The following FCHO1 variants were observed in gnomAD, a reference collection of about 807,000 sequenced individuals.
FCHO1 encodes the protein F-BAR domain only protein 1.
Under a neutral mutation model 114.4 loss-of-function variants are expected in FCHO1, and 45 were observed. That is an observed-to-expected ratio of 0.39 (90% CI 0.31 to 0.50). The LOEUF is 0.50. Among genes scored for constraint, FCHO1 ranks in the 20% least tolerant of loss-of-function variants. The pLI is 0.77. For missense variants in FCHO1, 1,042 were observed against 1,209.6 expected (o/e 0.86, Z 2.06); for synonymous variants, 480 against 488.9 (o/e 0.98, Z 0.24).
rs182839889 is a variant in FCHO1 at position 17,773,564 on chromosome 19, T to A, written c.791-675T>A. ...CTCACACACCTTCCATGGCTCCCCA[T>A]TGTTCTTGGGAGAGAGTTCCCACTC... On this transcript the variant is annotated intron_variant, in intron 11 of 28. Transcript: ENST00000596536. Among the ~76,000 whole-genome samples the A allele has an allele frequency of 4.6e-5, 7 of 152,226 alleles. No homozygotes were observed. In the East Asian group the frequency reaches 9.7e-4, roughly 21 times the overall value.
At chr19:17,772,777 G>A (rs535485563) in intron 11 of FCHO1, 36 bp downstream of exon 11, 6 of 1,505,184 alleles carry the variant, frequency 4.0e-6, no homozygotes, top group African/African-American at 2.7e-5. Flanking sequence ...CGGGCTTCGG[G>A]GCCACAGCTG....
At position 17,781,384 on chromosome 19, in the gene FCHO1, G is replaced by C. The variant is rs2287852; in HGVS notation, c.1740+41G>C. The C allele has an allele frequency of 0.93, 1,489,634 of 1,610,388 alleles. 690,555 individuals carry two copies. Among genetic ancestry groups the C allele is most frequent in the Non-Finnish European group, 0.94 (1,105,005 of 1,176,820 alleles). On this transcript the variant is annotated intron_variant, in intron 21 of 28. Coordinates refer to ENST00000596536, the MANE Select transcript of FCHO1 (RefSeq NM_015122.3). The stretch of plus-strand genomic sequence containing the variant: ...TGGCAGGAGCTGGACTGGGGGTCGC[G>C]TCTGGGGTCCGCTTTTGGGCACTGG...
At chr19:17,762,620 A>G (rs984245667) in intron 4 of FCHO1, 142 bp from the exon 5 acceptor site, 5 of 730,386 alleles carry the variant, frequency 6.8e-6, no homozygotes, top group Non-Finnish European at 1.3e-5. Flanking sequence ...CCCAGGGGAA[A>G]TGCAGCAAGC....
At chr19:17,770,663 G>A (rs2091238596) in intron 8 of FCHO1, 86 bp downstream of exon 8, 4 of 1,574,816 alleles carry the variant, frequency 2.5e-6, no homozygotes, top group Admixed American at 1.7e-5. Flanking sequence ...ATCCCAGAGC[G>A]ACGGTCCTGG....
In FCHO1 at chr19:17,784,680, G is replaced by T; in HGVS notation, c.2227-45G>T. On this transcript the variant is annotated intron_variant, in intron 25 of 28. Transcript: ENST00000596536. The surrounding 1 kb of genome is among the most constrained non-coding windows in gnomAD (Gnocchi z 5.3). ...GAATAGCGCATGGTGTGGCAAGACA[G>T]GATGGCCCAAGCTGTGTCCTCTCTC... The T allele has an allele frequency of 5.0e-6, 8 of 1,589,136 alleles. No individual in the cohort carries two copies. The highest frequency in any genetic ancestry group is 6.9e-6 in the Non-Finnish European group (8 of 1,158,682).
intron 9 of FCHO1, among the ~76,000 whole-genome samples, chr19:17,771,600 C>T (rs1217949054): frequency 6.6e-6 from 1 of 151,596 alleles, no homozygotes; most frequent in Admixed American, 6.6e-5. Context: ...ACCCAGGAGG[C>T]GGAGCTTGCA....
At position 17,766,785 on chromosome 19, in the gene FCHO1, A is replaced by T. The variant is rs2089335464; in HGVS notation, c.311A>T (p.Glu104Val). 1 of 1,613,998 alleles carries T rather than the reference A, an allele frequency of 6.2e-7. No individual in the cohort carries two copies. The highest frequency in any genetic ancestry group is 1.1e-5 in the South Asian group (1 of 91,076). ...ATCAAGGACGTTCTCCGCTACGGCG[A>T]GGAACAGCTCAAGACCCACAAGAAG... The part of the protein sequence containing the change: ...DLIKDVLRYG[E>V]EQLKTHKKCK... Residue 104 changes from glutamate (E) to valine (V), a missense_variant, in exon 7 of 29, where the codon GAG (glutamate) becomes GTG (valine). Physicochemically the swap from Glu to Val is moderately radical, Grantham distance 121. Coordinates refer to ENST00000596536, the MANE Select transcript of FCHO1 (RefSeq NM_015122.3).
chr19:17,774,320 A>G (rs772681157), intron 12 of FCHO1, 37 bp downstream of exon 12: 4 of 1,613,556 alleles, frequency 2.5e-6, no homozygotes, highest in South Asian at 1.1e-5. Flanking sequence ...AGGCTGGACC[A>G]TGGGGGTGAG....
chr19:17,764,316 C>T (rs986406047), intron 5 of FCHO1, 59 bp from the exon 6 acceptor site: 4 of 1,542,402 alleles, frequency 2.6e-6, no homozygotes, highest in African/African-American at 1.4e-5. Flanking sequence ...GCTGGGATTA[C>T]AGGCGTGAAC....
At chr19:17,782,870 G>A (rs1180737294) in intron 23 of FCHO1, 147 bp from the exon 24 acceptor site, 2 of 843,388 alleles carry the variant, frequency 2.4e-6, no homozygotes, top group Non-Finnish European at 3.6e-6. Flanking sequence ...AGGAGGTTGG[G>A]GGAAAGGATA....
intron 4 of FCHO1, among the ~76,000 whole-genome samples, chr19:17,758,297 G>A (rs2084611220): frequency 6.6e-6 from 1 of 152,152 alleles, no homozygotes; most frequent in Non-Finnish European, 1.5e-5. Flanking sequence ...CAGGGTTAGG[G>A]AAGTTTCTAG....
chr19:17,784,496 CG>C lies in FCHO1; in HGVS notation c.2227-227del, dbSNP rs2093695932. Among the ~76,000 whole-genome samples, 2 of 152,122 alleles carry C rather than the reference CG, an allele frequency of 1.3e-5. No individual in the cohort carries two copies. Among genetic ancestry groups the C allele is most frequent in the African/African-American group, 4.8e-5 (2 of 41,398 alleles). ...ATGTGAACTAGAAGCAGCCCAGCCC[CG>C]GAACCTTACACTTGAACTTCCCTGG... On this transcript the variant is annotated intron_variant, in intron 25 of 28. Transcript: ENST00000596536. This position sits in a 1 kb window ranked among gnomAD's most constrained non-coding sequence, Gnocchi z 5.3.
Position 17,778,612 on chromosome 19 carries a change from C to G in FCHO1, c.1355C>G (p.Ser452Cys). The change falls in exon 20 of 29, where the codon TCT becomes TGT. Residue 452 changes from serine (S) to cysteine (C), a missense_variant. Ser to Cys is a moderately radical substitution (Grantham distance 112, BLOSUM62 -1). Transcript: ENST00000596536. ...ACCGCCCGCTTCCCTCCCCAAGGCT[C>G]TAGCAGCCTGGGCTTCACCTCCAGC... ...SAFDHEDFTGSSSLGFTSSPS... is the reference protein window; with the variant it reads ...SAFDHEDFTGCSSLGFTSSPS... 1 of 1,557,016 alleles carries G rather than the reference C, an allele frequency of 6.4e-7. No homozygotes were observed. The highest frequency in any genetic ancestry group is 8.7e-7 in the Non-Finnish European group (1 of 1,151,540).
At chr19:17,783,412 C>T (rs1043102064) in intron 24 of FCHO1, among the ~76,000 whole-genome samples, 5 of 148,932 alleles carry the variant, frequency 3.4e-5, no homozygotes, top group South Asian at 2.1e-4. Context: ...ATTACAGGCA[C>T]GTGCCACTAC....
In FCHO1 at chr19:17,764,398, C is replaced by T. The variant is rs774580596; in HGVS notation, c.143C>T (p.Ser48Leu). Residue 48 changes from serine to leucine, a missense_variant, in exon 6 of 29, where the codon TCG becomes TTG. Coordinates refer to ENST00000596536, the MANE Select transcript of FCHO1 (RefSeq NM_015122.3). The part of the protein sequence containing the change: ...RERATIEETY[S>L]KAMAKLSKLA... The stretch of plus-strand genomic sequence containing the variant: ...AGGGCCACCATCGAGGAGACCTACT[C>T]GAAGGCGATGGCGAAACTCTCCAAG... 7 of 1,613,674 alleles carry T rather than the reference C, an allele frequency of 4.3e-6. No individual in the cohort carries two copies. Among genetic ancestry groups the T allele is most frequent in the Non-Finnish European group, 5.9e-6 (7 of 1,179,952 alleles).
Position 17,776,578 on chromosome 19 carries a change from G to T in FCHO1, c.1208-57G>T. 1 of 1,593,808 alleles carries T rather than the reference G, an allele frequency of 6.3e-7. No individual in the cohort carries two copies. The highest frequency in any genetic ancestry group is 1.1e-5 in the South Asian group (1 of 90,650). ...GAGCCTCGGTCCCTTGGTCTGTGGA[G>T]TGGGGAGCATTGCAGGCAGGGTGAC... On this transcript the variant is annotated intron_variant, in intron 17 of 28. Coordinates refer to ENST00000596536, the MANE Select transcript of FCHO1 (RefSeq NM_015122.3). The surrounding 1 kb of genome is among the most constrained non-coding windows in gnomAD (Gnocchi z 4.4).
intron 23 of FCHO1, 147 bp from the exon 24 acceptor site, chr19:17,782,870 G>T: frequency 1.2e-6 from 1 of 843,388 alleles, no homozygotes. Context: ...AGGAGGTTGG[G>T]GGAAAGGATA....
intron 5 of FCHO1, 87 bp from the exon 6 acceptor site, chr19:17,764,288 G>T: frequency 1.5e-6 from 2 of 1,358,088 alleles, no homozygotes; most frequent in Non-Finnish European, 2.1e-6. Context: ...TGATCCGTCC[G>T]CCTCGGCCTC....
In FCHO1 at chr19:17,784,016, GCAT is replaced by G. The variant is rs1329237482; in HGVS notation, c.2094-85_2094-83del. 3.3e-6 allele frequency: 5 copies of G among 1,502,212 alleles called. No individual in the cohort carries two copies. The Admixed American group carries it at 9.8e-5, about 29-fold the overall frequency. 93.1% of individuals were successfully genotyped at this position (1,502,212 alleles called of 1,614,324 possible). A position where few individuals can be genotyped will look rare whatever the true frequency, so the allele number is the denominator to read the frequency against. On this transcript the variant is annotated intron_variant, in intron 24 of 28. Transcript: ENST00000596536. This position sits in a 1 kb window ranked among gnomAD's most constrained non-coding sequence, Gnocchi z 5.3. ...TGGGCCCAGGGTGGGCCAGGAAATTGCATCTTTAGGAAGGGGTAGATTGAATGC... is the reference window on the plus strand; with the variant it reads ...TGGGCCCAGGGTGGGCCAGGAAATTGCTTTAGGAAGGGGTAGATTGAATGC...
Sources: gnomAD v4.1 joint callset for allele counts (sites outside exome capture counted in the v4.1 genomes callset) on GRCh38, gnomAD v4.1.1 for gene constraint, Gnocchi (gnomAD v3.1) non-coding constraint, MANE v1.5 for transcripts, NCBI Gene and HGNC (gene_info 2026-07-23, HGNC 2026-07-21) for gene names.